PCDHA6: variants seen among roughly 807,000 people sequenced by gnomAD.
PCDHA6 encodes the protein protocadherin alpha 6.
In PCDHA6, 55 loss-of-function variants were observed where a neutral mutation model predicts 60.3. The ratio of observed to expected loss-of-function variants is 0.91; its 90% confidence interval spans 0.73 to 1.14. The LOEUF is 1.14. Among genes scored for constraint, PCDHA6 ranks in the 50% most tolerant of loss-of-function variants. The pLI is 0.00. For missense variants in PCDHA6, 1,327 were observed against 1,256.5 expected, an observed-to-expected ratio of 1.06 and a Z score of -0.85; for synonymous variants, 652 against 557.9, an observed-to-expected ratio of 1.17 and a Z score of -2.38.
intron 1 of PCDHA6, among the ~76,000 whole-genome samples, chr5:140,881,116 TG>T (rs1181000408): frequency 3.3e-5 from 5 of 152,242 alleles, no homozygotes; most frequent in African/African-American, 7.2e-5. Flanking sequence ...CCTGGGATTT[TG>T]TGGCTTGGTA....
chr5:140,934,999 T>C (rs2090139389), intron 1 of PCDHA6, among the ~76,000 whole-genome samples: 1 of 152,196 alleles, frequency 6.6e-6, no homozygotes, highest in Admixed American at 6.5e-5. Flanking sequence ...CCTGAATCCT[T>C]TTCATGTGAG....
intron 1 of PCDHA6, chr5:140,871,553 G>GT (rs555355563): frequency 9.2e-4 from 1,372 of 1,491,042 alleles, no homozygotes; most frequent in South Asian, 9.1e-4. Flanking sequence ...TTAAAATCCA[G>GT]TTTTTTTTCA....
intron 3 of PCDHA6, among the ~76,000 whole-genome samples, chr5:140,992,671 T>C (rs932477687): frequency 1.3e-5 from 2 of 152,116 alleles, no homozygotes; most frequent in African/African-American, 4.8e-5. Context: ...GGTGTGTATG[T>C]GTGTGTTAGG....
At chr5:140,888,159 C>T (rs1468895090) in intron 1 of PCDHA6, among the ~76,000 whole-genome samples, 1 of 152,080 alleles carries the variant, frequency 6.6e-6, no homozygotes, top group Non-Finnish European at 1.5e-5. Flanking sequence ...GACTGGTAAT[C>T]TCTAATAAGA....
intron 1 of PCDHA6, chr5:140,877,996 AT>A (rs1305761926): frequency 2.6e-5 from 27 of 1,037,884 alleles, no homozygotes; most frequent in Non-Finnish European, 3.2e-5. Flanking sequence ...ACTTTTATGT[AT>A]TTGTCTAACA....
chr5:140,926,125 A>G (rs1584421625), intron 1 of PCDHA6, among the ~76,000 whole-genome samples: 2 of 152,180 alleles, frequency 1.3e-5, no homozygotes, highest in Admixed American at 6.5e-5. Flanking sequence ...ACAGACTTCA[A>G]CCCGCAGCAG....
intron 1 of PCDHA6, chr5:140,966,920 C>G: frequency 6.2e-7 from 1 of 1,602,674 alleles, no homozygotes; most frequent in Non-Finnish European, 8.5e-7. Flanking sequence ...GCCAGAGGAG[C>G]AGGCACCCGG....
Position 140,835,755 on chromosome 5 carries a change from C to T in PCDHA6, c.2394+5270C>T, listed in dbSNP as rs2150244114. Reference sequence around the variant, plus strand: ...CGACAACGCCCCGGCGTTCGCGCAGCCCGAGTATACGGTGTTCGTGAAGGA... The same window carrying T: ...CGACAACGCCCCGGCGTTCGCGCAGTCCGAGTATACGGTGTTCGTGAAGGA... On this transcript the variant is annotated intron_variant, in intron 1 of 3. Coordinates refer to ENST00000529310, the MANE Select transcript of PCDHA6 (RefSeq NM_018909.4). 3.7e-6 allele frequency: 6 copies of T among 1,613,528 alleles called. No homozygotes were observed. Among genetic ancestry groups the T allele is most frequent in the Admixed American group, 3.3e-5 (2 of 60,022 alleles).
intron 1 of PCDHA6, among the ~76,000 whole-genome samples, chr5:140,910,488 A>G (rs1195141583): frequency 2.0e-5 from 3 of 152,232 alleles, no homozygotes; most frequent in African/African-American, 7.2e-5. Flanking sequence ...CATACAGAGA[A>G]GAGCAATCAC....
intron 1 of PCDHA6, among the ~76,000 whole-genome samples, chr5:140,900,435 G>A (rs1219799362): frequency 3.3e-5 from 5 of 152,088 alleles, no homozygotes; most frequent in African/African-American, 9.7e-5. Context: ...GTGCCACCAC[G>A]GCCGGCTAAT....
At chr5:140,975,053 A>C (rs2096651589) in intron 1 of PCDHA6, among the ~76,000 whole-genome samples, 1 of 152,144 alleles carries the variant, frequency 6.6e-6, no homozygotes, top group Admixed American at 6.5e-5. Flanking sequence ...GGAAGAATCT[A>C]CTATCGAGCT....
intron 1 of PCDHA6, chr5:140,968,919 T>C (rs2096279642): frequency 1.2e-6 from 2 of 1,614,116 alleles, no homozygotes; most frequent in South Asian, 1.1e-5. Flanking sequence ...GTGTCTTTTA[T>C]ATTTCTTTTG....
At chr5:140,857,153 G>A in intron 1 of PCDHA6, 1 of 1,598,322 alleles carries the variant, frequency 6.3e-7, no homozygotes, top group East Asian at 2.2e-5. Context: ...CACCGTCATT[G>A]CCCTAATCAG....
At chr5:141,008,905 A>G (rs1212655574) in intron 3 of PCDHA6, among the ~76,000 whole-genome samples, 2 of 152,256 alleles carry the variant, frequency 1.3e-5, no homozygotes, top group African/African-American at 4.8e-5. Flanking sequence ...TAAAATTAAG[A>G]TCAAATAATT....
At chr5:141,000,377 C>G (rs1213637729) in intron 3 of PCDHA6, among the ~76,000 whole-genome samples, 1 of 58,954 alleles carries the variant, frequency 1.7e-5, no homozygotes, top group South Asian at 5.5e-4. Flanking sequence ...CTCTCTCTCT[C>G]TCTCTCTCTC....
At position 140,851,655 on chromosome 5, in the gene PCDHA6, T is replaced by C. The variant is rs1554145502; in HGVS notation, c.2394+21170T>C. 3 of 911,452 alleles carry C rather than the reference T, an allele frequency of 3.3e-6. No individual in the cohort carries two copies. In the African/African-American group the frequency reaches 5.4e-5, roughly 16 times the overall value. 56.5% of individuals were successfully genotyped at this position (911,452 alleles called of 1,614,324 possible). ...GTGTTTCCTTTCTTCAAGAAGACAT[T>C]CTCCTTTTAATTGAAATTTTCTCCA... On this transcript the variant is annotated intron_variant, in intron 1 of 3. Transcript: ENST00000529310.
intron 1 of PCDHA6, chr5:140,871,620 T>C: frequency 7.1e-7 from 1 of 1,405,980 alleles, no homozygotes; most frequent in Non-Finnish European, 9.4e-7. Context: ...TTGTTTTAGA[T>C]AACAATGTCT....
intron 1 of PCDHA6, chr5:140,856,868 A>C: frequency 6.3e-7 from 1 of 1,595,926 alleles, no homozygotes; most frequent in Non-Finnish European, 8.6e-7. Flanking sequence ...AGGAATAAAC[A>C]AGGAAATGAT....
At chr5:140,945,206 A>G (rs148955371) in intron 1 of PCDHA6, among the ~76,000 whole-genome samples, 1 of 152,282 alleles carries the variant, frequency 6.6e-6, no homozygotes, top group East Asian at 1.9e-4. Context: ...TACAATAGCT[A>G]TGAGAAAATA....
Sources: allele counts gnomAD v4.1 joint callset (sites outside exome capture counted in the v4.1 genomes callset), GRCh38; gene constraint gnomAD v4.1.1; transcripts MANE v1.5; gene names NCBI Gene and HGNC (gene_info 2026-07-23, HGNC 2026-07-21).